The following ADGRV1 variants were observed in gnomAD, a reference collection of about 807,000 sequenced individuals.
ADGRV1 encodes the protein adhesion G protein-coupled receptor V1, also known as G-protein coupled receptor 98.
A neutral mutation model predicts 596.2 loss-of-function variants in ADGRV1; 359 were observed. That is an observed-to-expected ratio of 0.60 (90% CI 0.55 to 0.66). ADGRV1 has a LOEUF of 0.66. ADGRV1 is among the 30% of genes least tolerant of loss of function. ADGRV1 has a pLI of 0.00. For synonymous variants in ADGRV1, 2,681 were observed against 2,679.2 expected (o/e 1.00, Z -0.02); for missense variants, 7,274 against 7,575.6 (o/e 0.96, Z 1.48).
chr5:90,800,497 A>G (rs1761239217), intron 70 of ADGRV1, among the ~76,000 whole-genome samples: 1 of 152,204 alleles, frequency 6.6e-6, no homozygotes, highest in East Asian at 1.9e-4. Flanking sequence ...TAGTTCAACC[A>G]TTGTGGAAGA....
chr5:90,673,976 T>C, intron 22 of ADGRV1, 78 bp from the exon 23 acceptor site: 2 of 967,336 alleles, frequency 2.1e-6, no homozygotes, highest in East Asian at 5.1e-5. Flanking sequence ...TATAATTTAG[T>C]TGCCTTTTGA....
chr5:90,649,996 T>A (rs1768358403), intron 17 of ADGRV1, among the ~76,000 whole-genome samples: 1 of 152,216 alleles, frequency 6.6e-6, no homozygotes, highest in Non-Finnish European at 1.5e-5. Context: ...CATTTGAGAA[T>A]CCAATTACTT....
intron 85 of ADGRV1, among the ~76,000 whole-genome samples, chr5:91,056,730 G>C (rs1444169276): frequency 6.6e-6 from 1 of 152,104 alleles, no homozygotes; most frequent in African/African-American, 2.4e-5. Context: ...TTATCTTCAA[G>C]GCTGTCGTCT....
In ADGRV1 at chr5:91,127,583, C is replaced by T. The variant is rs370001010; in HGVS notation, c.18433-22447C>T. 1.7e-4 allele frequency among the ~76,000 whole-genome samples: 26 copies of T among 149,168 alleles called. 1 individual carries two copies. Among genetic ancestry groups the T allele is most frequent in the Admixed American group, 1.3e-3 (19 of 14,978 alleles). On this transcript the variant is annotated intron_variant, in intron 87 of 89. Coordinates refer to ENST00000405460, the MANE Select transcript of ADGRV1 (RefSeq NM_032119.4). ...ATCTTACTAGAGATTTGGGTTATTA[C>T]AAAAGGGATCACTTAAAGACTTTAT...
intron 50 of ADGRV1, among the ~76,000 whole-genome samples, chr5:90,741,611 T>C (rs972331295): frequency 6.6e-6 from 1 of 152,202 alleles, no homozygotes; most frequent in African/African-American, 2.4e-5. Context: ...TAATTAAAGT[T>C]ATAGAATTCT....
intron 1 of ADGRV1, among the ~76,000 whole-genome samples, chr5:90,575,458 G>C (rs1757077987): frequency 6.6e-6 from 1 of 152,040 alleles, no homozygotes; most frequent in Non-Finnish European, 1.5e-5. Context: ...TCACCGTATT[G>C]GCCAGGCTGG....
intron 83 of ADGRV1, among the ~76,000 whole-genome samples, chr5:90,893,928 T>C (rs1412736649): frequency 1.3e-5 from 2 of 152,208 alleles, no homozygotes; most frequent in East Asian, 3.8e-4. Context: ...TAACAATTAA[T>C]GTTGCTTTAA....
At chr5:91,066,025 A>T (rs1787855822) in intron 85 of ADGRV1, among the ~76,000 whole-genome samples, 1 of 152,184 alleles carries the variant, frequency 6.6e-6, no homozygotes. Flanking sequence ...GAGATTCCTG[A>T]AGTTCTTTGA....
chr5:90,595,558 G>T (rs568448065), intron 1 of ADGRV1, among the ~76,000 whole-genome samples: 2 of 132,738 alleles, frequency 1.5e-5, no homozygotes, highest in African/African-American at 3.1e-5. Context: ...CTGGCCGGGC[G>T]GGGGGCTGAC....
chr5:90,628,100 T>G (rs1765025633), intron 7 of ADGRV1, among the ~76,000 whole-genome samples: 1 of 151,788 alleles, frequency 6.6e-6, no homozygotes, highest in Non-Finnish European at 1.5e-5. Context: ...TAAAAATACT[T>G]TTTTCCGCCA....
At chr5:90,672,810 T>A (rs577069960) in intron 22 of ADGRV1, 88 bp downstream of exon 22, 2 of 947,222 alleles carry the variant, frequency 2.1e-6, no homozygotes, top group Non-Finnish European at 3.1e-6. Flanking sequence ...CAGCTTTTGA[T>A]TGAAGTGTCG....
At chr5:90,760,350 G>GT (rs1756386577) in intron 58 of ADGRV1, among the ~76,000 whole-genome samples, 1 of 151,936 alleles carries the variant, frequency 6.6e-6, no homozygotes, top group African/African-American at 2.4e-5. Flanking sequence ...GATCTTTTGA[G>GT]TGGTCTATTG....
chr5:90,921,334 T>C (rs1773856705), intron 83 of ADGRV1, among the ~76,000 whole-genome samples: 1 of 152,186 alleles, frequency 6.6e-6, no homozygotes, highest in African/African-American at 2.4e-5. Flanking sequence ...TATTTATTTA[T>C]TTATTGCTTT....
intron 59 of ADGRV1, among the ~76,000 whole-genome samples, chr5:90,765,973 G>C (rs896511985): frequency 1.3e-5 from 2 of 151,616 alleles, no homozygotes; most frequent in African/African-American, 2.4e-5. Flanking sequence ...GCAGTGGCGC[G>C]ATCTCTGCTC....
chr5:90,795,594 C>G (rs906527094), intron 70 of ADGRV1, among the ~76,000 whole-genome samples: 1 of 152,194 alleles, frequency 6.6e-6, no homozygotes, highest in Non-Finnish European at 1.5e-5. Flanking sequence ...AACTTCCCTG[C>G]CTGACGGCTC....
intron 10 of ADGRV1, among the ~76,000 whole-genome samples, chr5:90,636,812 G>C (rs1243380871): frequency 6.6e-6 from 1 of 151,252 alleles, no homozygotes; most frequent in East Asian, 1.9e-4. Context: ...TTTCCAAGAT[G>C]AGCTTAAAGG....
At chr5:90,771,241 C>G (rs552562225) in intron 59 of ADGRV1, among the ~76,000 whole-genome samples, 1 of 152,162 alleles carries the variant, frequency 6.6e-6, no homozygotes, top group Non-Finnish European at 1.5e-5. Context: ...TCTTCGCAAT[C>G]TTGGTTCTCT....
In ADGRV1 at chr5:90,776,585, T is replaced by C. The variant is rs1191374758; in HGVS notation, c.12527+9T>C. 3 of 1,613,134 alleles carry C rather than the reference T, an allele frequency of 1.9e-6. No homozygotes were observed. The South Asian group carries it at 3.3e-5, about 18-fold the overall frequency. ...GGTACCGCTATTATCAGGTAAGGAC[T>C]TCATGATTTTTCTTTGCCTATATGG... is the stretch of plus-strand genomic sequence containing the variant. On this transcript the variant is annotated intron_variant, in intron 61 of 89. Coordinates refer to ENST00000405460, the MANE Select transcript of ADGRV1 (RefSeq NM_032119.4).
chr5:90,639,902 AAC>A (rs1278685677), intron 11 of ADGRV1, among the ~76,000 whole-genome samples: 3 of 152,194 alleles, frequency 2.0e-5, no homozygotes, highest in Admixed American at 6.5e-5. Context: ...GAAAATAGTT[AAC>A]AGTTTATTGT....
Sources: allele counts gnomAD v4.1 joint callset (sites outside exome capture counted in the v4.1 genomes callset), GRCh38; gene constraint gnomAD v4.1.1; transcripts MANE v1.5; gene names NCBI Gene and HGNC (gene_info 2026-07-23, HGNC 2026-07-21).